The following ROBO2 variants were observed in gnomAD, a reference collection of about 807,000 sequenced individuals.
ROBO2 encodes roundabout homolog 2.
Under a neutral mutation model 160.8 loss-of-function variants are expected in ROBO2, and 53 were observed. The observed-to-expected ratio is 0.33, with a 90% CI of 0.26 to 0.41. ROBO2 has a LOEUF of 0.41. ROBO2 is among the 10% of genes least tolerant of loss of function. The pLI is 1.00. For missense variants in ROBO2, 1,577 were observed against 1,722.4 expected, an observed-to-expected ratio of 0.92 and a Z score of 1.49; for synonymous variants, 664 against 611.7, an observed-to-expected ratio of 1.09 and a Z score of -1.26.
intron 2 of ROBO2, among the ~76,000 whole-genome samples, chr3:76,323,175 A>ACACACACACACACACC (rs752990413): frequency 2.0e-4 from 29 of 145,604 alleles, no homozygotes; most frequent in Non-Finnish European, 3.4e-4. Flanking sequence ...ACACACACAC[A>ACACACACACACACACC]CCCCTAAAGG....
At chr3:77,154,112 G>C (rs1205062711) in intron 2 of ROBO2, among the ~76,000 whole-genome samples, 1 of 151,456 alleles carries the variant, frequency 6.6e-6, no homozygotes, top group African/African-American at 2.4e-5. Context: ...GAATTATAAT[G>C]GGATCAAACT....
chr3:77,219,487 C>CTTTATA (rs1314368807), intron 2 of ROBO2, among the ~76,000 whole-genome samples: 1 of 73,120 alleles, frequency 1.4e-5, no homozygotes. Flanking sequence ...TATATATAAT[C>CTTTATA]TGTATATATA....
intron 2 of ROBO2, among the ~76,000 whole-genome samples, chr3:76,751,837 G>A (rs1220419219): frequency 1.3e-5 from 2 of 152,156 alleles, no homozygotes; most frequent in Non-Finnish European, 2.9e-5. Flanking sequence ...CTTTTACACT[G>A]TTGGCGGGAC....
intron 2 of ROBO2, among the ~76,000 whole-genome samples, chr3:76,922,064 C>A (rs2076697365): frequency 1.3e-5 from 2 of 152,168 alleles, no homozygotes; most frequent in Admixed American, 1.3e-4. Flanking sequence ...GTAATCCCAG[C>A]ACTTTGGGAG....
At chr3:76,220,170 C>A (rs183739358) in intron 2 of ROBO2, among the ~76,000 whole-genome samples, 3,585 of 124,006 alleles carry the variant, frequency 0.029, 126 homozygotes, top group African/African-American at 0.087. Flanking sequence ...CACACTGGGG[C>A]CTGTTGTGGG....
intron 2 of ROBO2, among the ~76,000 whole-genome samples, chr3:76,470,047 G>T (rs2078574738): frequency 6.6e-6 from 1 of 152,244 alleles, no homozygotes; most frequent in Admixed American, 6.5e-5. Flanking sequence ...GAGATATCAA[G>T]GCATCAGGTC....
At chr3:76,854,016 C>T (rs1036752176) in intron 2 of ROBO2, among the ~76,000 whole-genome samples, 3 of 79,284 alleles carry the variant, frequency 3.8e-5, no homozygotes, top group Non-Finnish European at 7.7e-5. Flanking sequence ...AAAGCATAGA[C>T]TTTCTCTCTC....
intron 2 of ROBO2, among the ~76,000 whole-genome samples, chr3:76,321,602 A>C (rs2072533885): frequency 6.6e-6 from 1 of 152,212 alleles, no homozygotes; most frequent in South Asian, 2.1e-4. Context: ...TCCACTTCCA[A>C]CCAGCCAGGC....
At chr3:76,973,278 G>C (rs781702739) in intron 2 of ROBO2, among the ~76,000 whole-genome samples, 7 of 152,198 alleles carry the variant, frequency 4.6e-5, no homozygotes, top group Middle Eastern at 3.4e-3. Flanking sequence ...GCAACTCAGT[G>C]GGCAACATGC....
Position 75,992,303 on chromosome 3 carries a change from C to T in ROBO2, c.109+54701C>T, listed in dbSNP as rs537204162. Among the ~76,000 whole-genome samples the T allele has an allele frequency of 7.9e-5, 12 of 152,246 alleles. No homozygotes were observed. In the South Asian group the frequency reaches 1.9e-3, roughly 24 times the overall value. ...CATGGGTGGAGCTCAGGATCCCTCT[C>T]CTGTGTGCAGTCTAGGGACTTGGTG... On this transcript the variant is annotated intron_variant, in intron 2 of 26. Transcript: ENST00000487694.
chr3:76,041,008 T>C (rs2067256091), intron 2 of ROBO2, among the ~76,000 whole-genome samples: 1 of 151,918 alleles, frequency 6.6e-6, no homozygotes, highest in Non-Finnish European at 1.5e-5. Flanking sequence ...AATGAAACTT[T>C]CTCTCATAAG....
chr3:77,256,462 G>A (rs911943228), intron 2 of ROBO2, among the ~76,000 whole-genome samples: 6 of 152,008 alleles, frequency 3.9e-5, no homozygotes, highest in African/African-American at 1.5e-4. Flanking sequence ...GAATAAATGG[G>A]TAATAAAAGT....
At chr3:77,546,417 A>G in exon 7 of ROBO2, 1 of 1,613,384 alleles carries the variant, frequency 6.2e-7, no homozygotes, top group Non-Finnish European at 8.5e-7. Context: ...GTGAAACTAA[A>G]GGAAACCCAC....
intron 2 of ROBO2, among the ~76,000 whole-genome samples, chr3:76,327,442 GATA>G (rs1480272549): frequency 2.0e-5 from 3 of 152,048 alleles, no homozygotes; most frequent in African/African-American, 7.2e-5. Context: ...TTTCAAATTT[GATA>G]ATGACAGATT....
intron 2 of ROBO2, among the ~76,000 whole-genome samples, chr3:76,329,166 G>A (rs1356580166): frequency 6.6e-6 from 1 of 152,010 alleles, no homozygotes; most frequent in East Asian, 1.9e-4. Context: ...GGAGAGACAC[G>A]ACAAGGTCAG....
At chr3:76,459,735 T>A (rs2106745667) in intron 2 of ROBO2, among the ~76,000 whole-genome samples, 1 of 152,308 alleles carries the variant, frequency 6.6e-6, no homozygotes, top group South Asian at 2.1e-4. Flanking sequence ...TTGGAATTCA[T>A]CTTGTGGTTA....
chr3:77,128,856 G>A (rs1209951300), intron 2 of ROBO2, among the ~76,000 whole-genome samples: 1 of 152,098 alleles, frequency 6.6e-6, no homozygotes, highest in Non-Finnish European at 1.5e-5. Flanking sequence ...CAGTCAGTGA[G>A]TATACATAAA....
At chr3:77,183,030 A>G (rs772246668) in intron 2 of ROBO2, among the ~76,000 whole-genome samples, 20 of 152,076 alleles carry the variant, frequency 1.3e-4, no homozygotes, top group Non-Finnish European at 2.5e-4. Context: ...GCCTCAGGTC[A>G]TTATAATCTA....
chr3:76,375,068 A>G (rs1175148452), intron 2 of ROBO2, among the ~76,000 whole-genome samples: 2 of 151,736 alleles, frequency 1.3e-5, no homozygotes, highest in African/African-American at 4.8e-5. Flanking sequence ...GATATTGAGG[A>G]TGTCATTAAA....
Sources: gnomAD v4.1 joint callset for allele counts (sites outside exome capture counted in the v4.1 genomes callset) on GRCh38, gnomAD v4.1.1 for gene constraint, MANE v1.5 for transcripts, NCBI Gene and HGNC (gene_info 2026-07-23, HGNC 2026-07-21) for gene names.